The following GRIN1 variants were observed in gnomAD, a reference collection of about 807,000 sequenced individuals.
GRIN1 encodes glutamate receptor ionotropic, NMDA 1.
Under a neutral mutation model 103.0 loss-of-function variants are expected in GRIN1, and 38 were observed. The ratio of observed to expected loss-of-function variants is 0.37; its 90% confidence interval spans 0.28 to 0.48. The LOEUF is 0.48. GRIN1 is among the 20% of genes least tolerant of loss of function. GRIN1 has a pLI of 0.98. For synonymous variants in GRIN1, 544 were observed against 532.7 expected, an observed-to-expected ratio of 1.02 and a Z score of -0.29; for missense variants, 577 against 1,288.9, an observed-to-expected ratio of 0.45 and a Z score of 8.46.
intron 1 of GRIN1, 49 bp from the exon 2 acceptor site, chr9:137,141,964 T>C: frequency 1.2e-6 from 2 of 1,609,960 alleles, no homozygotes; most frequent in Non-Finnish European, 1.7e-6. Context: ...TCTAACCCAG[T>C]GCCTGGCTCA....
chr9:137,148,070 G>A (rs1243180835), intron 3 of GRIN1: 6 of 909,706 alleles, frequency 6.6e-6, no homozygotes, highest in Non-Finnish European at 1.0e-5. Context: ...GAGGTGGTGT[G>A]ATTGCTTTAG....
chr9:137,145,934 C>A, intron 3 of GRIN1, 32 bp downstream of exon 3: 1 of 1,536,716 alleles, frequency 6.5e-7, no homozygotes, highest in Non-Finnish European at 8.9e-7. Context: ...GGGCGCCTGG[C>A]GGAGCCGAGG....
At position 137,161,097 on chromosome 9, in the gene GRIN1, C is replaced by A. The variant is rs142877573; in HGVS notation, c.1239C>A (p.Pro413=). Residue 413 remains proline, a synonymous_variant, in exon 9 of 20, where the codon CCC becomes CCA. Coordinates refer to ENST00000371561, the MANE Select transcript of GRIN1 (RefSeq NM_007327.4). ...AGGAGCCCTTCGTGTACGTCAAGCC[C>A]ACGCTGAGTGATGGGACATGCAAGG... The part of the protein sequence containing the change: ...IHQEPFVYVK[P]TLSDGTCKEE... 6.2e-7 allele frequency: 1 copy of A among 1,612,954 alleles called. No individual in the cohort carries two copies. The highest frequency in any genetic ancestry group is 2.2e-5 in the East Asian group (1 of 44,876).
chr9:137,144,572 G>A (rs113935466), intron 2 of GRIN1, among the ~76,000 whole-genome samples: 5,743 of 151,684 alleles, frequency 0.038, 272 homozygotes, highest in African/African-American at 0.11. Context: ...GGAGAATGGT[G>A]TGAACCCAGG....
At chr9:137,148,886 G>A (rs1000578166) in intron 3 of GRIN1, 123 bp from the exon 4 acceptor site, 21 of 739,180 alleles carry the variant, frequency 2.8e-5, no homozygotes, top group Admixed American at 4.0e-5. Context: ...GGTGGCAGGC[G>A]CAGACCATGG....
At chr9:137,159,096 C>G (rs1313472007) in intron 8 of GRIN1, among the ~76,000 whole-genome samples, 1 of 152,216 alleles carries the variant, frequency 6.6e-6, no homozygotes, top group Non-Finnish European at 1.5e-5. Context: ...CTGCATTGCT[C>G]TTGATGGGAC....
chr9:137,145,574 C>A lies in GRIN1; in HGVS notation c.394-152C>A. ...ACGGGGTGGGAGACACGAGGGGGTC[C>A]CAGGGTCTAGAACGTGTCCCCATGG... On this transcript the variant is annotated intron_variant, in intron 2 of 19. Coordinates refer to ENST00000371561, the MANE Select transcript of GRIN1 (RefSeq NM_007327.4). 6.1e-6 allele frequency: 2 copies of A among 327,944 alleles called. 1 individual carries two copies. Among genetic ancestry groups the A allele is most frequent in the Non-Finnish European group, 1.1e-5 (2 of 179,338 alleles). 20.3% of individuals were successfully genotyped at this position (327,944 alleles called of 1,614,324 possible). A position where few individuals can be genotyped will look rare whatever the true frequency, so the allele number is the denominator to read the frequency against.
At chr9:137,143,220 A>G (rs903581039) in intron 2 of GRIN1, among the ~76,000 whole-genome samples, 27 of 152,212 alleles carry the variant, frequency 1.8e-4, no homozygotes, top group African/African-American at 6.3e-4. Context: ...CCTTGGTAAC[A>G]CTGCCTTAAA....
In GRIN1 at chr9:137,149,570, T is replaced by C. The variant is rs1832724375; in HGVS notation, c.671+461T>C. 2.0e-5 allele frequency among the ~76,000 whole-genome samples: 3 copies of C among 152,156 alleles called. No homozygotes were observed. In the South Asian group the frequency reaches 6.2e-4, roughly 31 times the overall value. ...GGATTGCAACAGCTGCAGCAGTAGC[T>C]TAGGGGGAAATCAGTTAGGTACCCG... On this transcript the variant is annotated intron_variant, in intron 4 of 19. Coordinates refer to ENST00000371561, the MANE Select transcript of GRIN1 (RefSeq NM_007327.4).
chr9:137,159,834 C>T (rs1397624463), intron 8 of GRIN1, among the ~76,000 whole-genome samples: 3 of 152,212 alleles, frequency 2.0e-5, no homozygotes, highest in Non-Finnish European at 2.9e-5. Flanking sequence ...GCCTGCCCCC[C>T]TCTCAGGCTC....
intron 4 of GRIN1, among the ~76,000 whole-genome samples, chr9:137,154,788 G>A (rs113829399): frequency 0.013 from 1,904 of 152,212 alleles, 42 homozygotes; most frequent in African/African-American, 0.043. Flanking sequence ...GGACTGTCAG[G>A]GCTGGAAAGG....
At chr9:137,150,419 C>A (rs1832777525) in intron 4 of GRIN1, among the ~76,000 whole-genome samples, 1 of 145,898 alleles carries the variant, frequency 6.9e-6, no homozygotes, top group South Asian at 2.2e-4. Context: ...AGGGAAAGCC[C>A]CACCCAGGGA....
chr9:137,147,895 T>G (rs1832638396), intron 3 of GRIN1, among the ~76,000 whole-genome samples: 1 of 151,974 alleles, frequency 6.6e-6, no homozygotes, highest in South Asian at 2.1e-4. Flanking sequence ...AGGGCCTCCT[T>G]TTCTCCCGAG....
chr9:137,140,919 C>G (rs989697236), intron 1 of GRIN1, among the ~76,000 whole-genome samples: 1 of 152,196 alleles, frequency 6.6e-6, no homozygotes, highest in Non-Finnish European at 1.5e-5. Context: ...CAAGCCACCC[C>G]CGTGCCCCAG....
chr9:137,165,173 A>T lies in GRIN1; in HGVS notation c.2590-13A>T. ...ACCCTAGCCATCTAATCACTTATAC[A>T]TATTCATTTTAGGATAGAAAGAGTG... On this transcript the variant is annotated splice_polypyrimidine_tract_variant and intron_variant, in intron 18 of 19. Coordinates refer to ENST00000371561, the MANE Select transcript of GRIN1 (RefSeq NM_007327.4). 1 of 1,555,282 alleles carries T rather than the reference A, an allele frequency of 6.4e-7. No individual in the cohort carries two copies. Among genetic ancestry groups the T allele is most frequent in the Non-Finnish European group, 8.9e-7 (1 of 1,127,690 alleles).
chr9:137,145,694 A>G lies in GRIN1; in HGVS notation c.394-32A>G, dbSNP rs200424067. The G allele has an allele frequency of 1.6e-3, 2,602 of 1,598,238 alleles. 39 individuals carry two copies. In the African/African-American group the frequency reaches 0.03, roughly 18 times the overall value. On this transcript the variant is annotated intron_variant, in intron 2 of 19. Coordinates refer to ENST00000371561, the MANE Select transcript of GRIN1 (RefSeq NM_007327.4). ...TGGGAGGGCGGGTCCCCGCGGGTCCACCTCAGCCCGCCGTGCCCCCGCCTC... is the reference window on the plus strand; with the variant it reads ...TGGGAGGGCGGGTCCCCGCGGGTCCGCCTCAGCCCGCCGTGCCCCCGCCTC...
Position 137,145,616 on chromosome 9 carries a change from G to A in GRIN1, c.394-110G>A, listed in dbSNP as rs1832481358. The A allele has an allele frequency of 6.1e-6, 5 of 821,878 alleles. No homozygotes were observed. The Admixed American group carries it at 1.0e-4, about 17-fold the overall frequency. The allele number at this position is 821,878 out of a possible 1,614,324, so 50.9% of individuals were successfully genotyped here. On this transcript the variant is annotated intron_variant, in intron 2 of 19. Transcript: ENST00000371561. ...TCCCCATGGGGGTGGGGACAGGGGT[G>A]GGAGGAGGGGGGTTCCCAGCCTCCG... is the stretch of plus-strand genomic sequence containing the variant.
chr9:137,153,018 C>T (rs1832991341), intron 4 of GRIN1, among the ~76,000 whole-genome samples: 1 of 152,090 alleles, frequency 6.6e-6, no homozygotes, highest in Non-Finnish European at 1.5e-5. Context: ...TCTACTCACA[C>T]ATGCAGAATC....
chr9:137,144,525 G>T (rs770871335), intron 2 of GRIN1, among the ~76,000 whole-genome samples: 4 of 152,038 alleles, frequency 2.6e-5, no homozygotes, highest in Non-Finnish European at 5.9e-5. Context: ...CGTGGTGGCG[G>T]GCGCCTGTAG....
Sources: gnomAD v4.1 joint callset for allele counts (sites outside exome capture counted in the v4.1 genomes callset) on GRCh38, gnomAD v4.1.1 for gene constraint, MANE v1.5 for transcripts, NCBI Gene and HGNC (gene_info 2026-07-23, HGNC 2026-07-21) for gene names.